Variants in PTPRD observed in about 807,000 individuals in gnomAD.
PTPRD encodes receptor-type tyrosine-protein phosphatase delta.
Under a neutral mutation model 214.5 loss-of-function variants are expected in PTPRD, and 34 were observed. That is an observed-to-expected ratio of 0.16 (90% CI 0.12 to 0.21). The LOEUF (loss-of-function observed/expected upper bound fraction) is 0.21. Ranked by LOEUF, PTPRD falls within the 10% of genes least tolerant of loss-of-function variation. PTPRD has a pLI of 1.00. For synonymous variants in PTPRD, 1,128 were observed against 845.7 expected (o/e 1.33, Z -5.79); for missense variants, 2,545 against 2,398.7 (o/e 1.06, Z -1.27).
chr9:9,414,460 A>G (rs1213076313), intron 8 of PTPRD, among the ~76,000 whole-genome samples: 1 of 152,244 alleles, frequency 6.6e-6, no homozygotes. Flanking sequence ...AAATACATTT[A>G]GGGAAGGACG....
intron 30 of PTPRD, among the ~76,000 whole-genome samples, chr9:8,474,195 C>G (rs2096716899): frequency 6.6e-6 from 1 of 152,094 alleles, no homozygotes; most frequent in African/African-American, 2.4e-5. Flanking sequence ...TTTGTAGTAA[C>G]AAACCCCTTC....
At chr9:8,761,932 G>A (rs1414582307) in intron 11 of PTPRD, among the ~76,000 whole-genome samples, 1 of 152,036 alleles carries the variant, frequency 6.6e-6, no homozygotes, top group Non-Finnish European at 1.5e-5. Flanking sequence ...ATAAACCAAG[G>A]TCCCTAAGGC....
chr9:8,706,239 T>C (rs921370029), intron 12 of PTPRD, among the ~76,000 whole-genome samples: 15 of 152,306 alleles, frequency 9.8e-5, no homozygotes, highest in African/African-American at 3.6e-4. Context: ...ACTACGGAAG[T>C]TCTTCTGAAA....
intron 26 of PTPRD, among the ~76,000 whole-genome samples, chr9:8,495,901 T>C (rs935323597): frequency 6.6e-5 from 10 of 152,218 alleles, no homozygotes; most frequent in Admixed American, 6.5e-4. Context: ...TAACTCATTT[T>C]TCTTTTTATT....
chr9:9,620,340 T>G (rs1313546066), intron 7 of PTPRD, among the ~76,000 whole-genome samples: 1 of 152,172 alleles, frequency 6.6e-6, no homozygotes, highest in African/African-American at 2.4e-5. Flanking sequence ...AATCTATTAA[T>G]TAACCTACTT....
At chr9:8,488,411 C>T (rs1439072803) in intron 27 of PTPRD, among the ~76,000 whole-genome samples, 2 of 152,144 alleles carry the variant, frequency 1.3e-5, no homozygotes, top group East Asian at 3.9e-4. Context: ...TATTCAACAA[C>T]ATGTGTGCTG....
In PTPRD at chr9:8,331,745, G is replaced by A. The variant is rs2131658888; in HGVS notation, c.5380-9C>T. 1 of 1,578,034 alleles carries A rather than the reference G, an allele frequency of 6.3e-7. No individual in the cohort carries two copies. Among genetic ancestry groups the A allele is most frequent in the Non-Finnish European group, 8.6e-7 (1 of 1,163,508 alleles). On this transcript the variant is annotated splice_polypyrimidine_tract_variant and intron_variant, in intron 43 of 45. Transcript: ENST00000381196. ...GTTCGGGACTGGCCGTCCTTTAGAA[G>A]GAAAGCCACATACCCGGCCGCAAAG...
At chr9:9,589,813 G>C (rs1298273499) in intron 7 of PTPRD, among the ~76,000 whole-genome samples, 1 of 152,008 alleles carries the variant, frequency 6.6e-6, no homozygotes, top group Non-Finnish European at 1.5e-5. Flanking sequence ...ACACATAGTA[G>C]TGATTGTTGT....
At chr9:10,319,409 C>A (rs976824004) in intron 3 of PTPRD, among the ~76,000 whole-genome samples, 1 of 152,052 alleles carries the variant, frequency 6.6e-6, no homozygotes, top group Non-Finnish European at 1.5e-5. Flanking sequence ...ATGTGCAAGG[C>A]ATTATCTACT....
chr9:9,669,279 C>A (rs1373910542), intron 7 of PTPRD, among the ~76,000 whole-genome samples: 1 of 152,110 alleles, frequency 6.6e-6, no homozygotes, highest in Non-Finnish European at 1.5e-5. Context: ...GCGAGATACA[C>A]AAGGAACACA....
intron 33 of PTPRD, among the ~76,000 whole-genome samples, chr9:8,460,065 C>T (rs112820773): frequency 0.013 from 1,964 of 152,168 alleles, 26 homozygotes; most frequent in Non-Finnish European, 0.022. Context: ...AATTAATTAT[C>T]TAAAACAATC....
intron 3 of PTPRD, among the ~76,000 whole-genome samples, chr9:10,245,288 C>T (rs1270647011): frequency 6.6e-6 from 1 of 152,124 alleles, no homozygotes; most frequent in East Asian, 1.9e-4. Flanking sequence ...TATTCCTTTA[C>T]ATACAGAGTA....
chr9:9,642,097 G>A (rs1169040830), intron 7 of PTPRD, among the ~76,000 whole-genome samples: 2 of 147,890 alleles, frequency 1.4e-5, no homozygotes, highest in Non-Finnish European at 3.0e-5. Flanking sequence ...AAAAAATGAT[G>A]AGTTCATATC....
At chr9:9,608,250 G>C (rs1375638700) in intron 7 of PTPRD, among the ~76,000 whole-genome samples, 2 of 152,088 alleles carry the variant, frequency 1.3e-5, no homozygotes, top group Admixed American at 1.3e-4. Context: ...TGTTATTGCT[G>C]TTATTATTAT....
chr9:9,259,934 T>C (rs2099979375), intron 9 of PTPRD, among the ~76,000 whole-genome samples: 1 of 151,838 alleles, frequency 6.6e-6, no homozygotes, highest in African/African-American at 2.4e-5. Flanking sequence ...GCATCAACCT[T>C]GTGGCCTTAG....
intron 6 of PTPRD, among the ~76,000 whole-genome samples, chr9:9,735,128 T>C (rs768100542): frequency 1.3e-5 from 2 of 152,110 alleles, no homozygotes; most frequent in African/African-American, 4.8e-5. Context: ...TTTTTAAAGG[T>C]GTTTGAAGTT....
chr9:9,424,602 A>T (rs919019664), intron 8 of PTPRD, among the ~76,000 whole-genome samples: 3 of 152,216 alleles, frequency 2.0e-5, no homozygotes, highest in African/African-American at 7.2e-5. Context: ...CCAATTATGC[A>T]ATGGAGAAAA....
intron 12 of PTPRD, among the ~76,000 whole-genome samples, chr9:8,702,913 T>C (rs898931761): frequency 1.3e-5 from 2 of 152,184 alleles, no homozygotes; most frequent in Non-Finnish European, 2.9e-5. Flanking sequence ...GGCCATAAGA[T>C]ATACAATTTA....
intron 11 of PTPRD, among the ~76,000 whole-genome samples, chr9:8,787,294 T>C (rs2096023106): frequency 6.6e-6 from 1 of 152,216 alleles, no homozygotes; most frequent in Non-Finnish European, 1.5e-5. Context: ...AGCTTCTAGT[T>C]ACTCTACTTG....
Sources: gnomAD v4.1 joint callset for allele counts (sites outside exome capture counted in the v4.1 genomes callset) on GRCh38, gnomAD v4.1.1 for gene constraint, MANE v1.5 for transcripts, NCBI Gene and HGNC (gene_info 2026-07-23, HGNC 2026-07-21) for gene names.